Variants in NIT1 observed in about 807,000 individuals in gnomAD.
NIT1 encodes nitrilase 1, also known as deaminated glutathione amidase.
In NIT1, 30 loss-of-function variants were observed where a neutral mutation model predicts 36.8. That is an observed-to-expected ratio of 0.82 (90% confidence interval 0.61 to 1.11). The LOEUF is 1.11. Among genes scored for constraint, NIT1 ranks in the 50% least tolerant of loss-of-function variants. The pLI is 0.00. For missense variants in NIT1, 438 were observed against 410.6 expected, an observed-to-expected ratio of 1.07 and a Z score of -0.58; for synonymous variants, 151 against 155.6, an observed-to-expected ratio of 0.97 and a Z score of 0.22.
rs201109189 is a variant in NIT1, at chr1:161,120,632, G to T, written c.851G>T (p.Arg284Leu). The change falls in exon 7 of 7, where the codon CGC becomes CTC. Residue 284 changes from arginine to leucine, a missense_variant. Coordinates refer to ENST00000368009, the MANE Select transcript of NIT1 (RefSeq NM_005600.3). Reference protein sequence around the residue: ...VVDPWGTVVARCSEGPGLCLA... With the variant: ...VVDPWGTVVALCSEGPGLCLA... ...GACCCCTGGGGAACAGTGGTGGCCC[G>T]CTGCTCTGAGGGGCCAGGCCTCTGC... is the stretch of plus-strand genomic sequence containing the variant. 2 of 1,614,054 alleles carry T rather than the reference G, an allele frequency of 1.2e-6. No individual in the cohort carries two copies. The highest frequency in any genetic ancestry group is 1.7e-6 in the Non-Finnish European group (2 of 1,180,038).
downstream of NIT1, chr1:161,121,532 C>T (rs969297079): frequency 6.5e-6 from 1 of 153,722 alleles, no homozygotes; most frequent in African/African-American, 2.4e-5. Context: ...GAGGGTTTGA[C>T]AAATGGGAAA....
rs755217151 is a variant in NIT1, at chr1:161,119,397, G to C, written c.353+9G>C. On this transcript the variant is annotated intron_variant, in intron 3 of 6. Transcript: ENST00000368009. ...TACACCCAGCTTGCCAGGTATCAGG[G>C]AAATAGCGAGGGAGAGGTAGAATCT... The C allele has an allele frequency of 6.8e-6, 11 of 1,613,500 alleles. No homozygotes were observed. In the Admixed American group the frequency reaches 1.8e-4, roughly 27 times the overall value.
intron 2 of NIT1, 101 bp from the exon 3 acceptor site, chr1:161,119,033 A>T (rs1462486190): frequency 6.7e-7 from 1 of 1,485,470 alleles, no homozygotes; most frequent in East Asian, 2.3e-5. Context: ...AGCATGATCA[A>T]AAGGAAGTCC....
chr1:161,118,720 T>C (rs1655088944), intron 1 of NIT1, 66 bp from the exon 2 acceptor site: 2 of 1,490,300 alleles, frequency 1.3e-6, no homozygotes, highest in African/African-American at 2.8e-5. Flanking sequence ...AAGAGAGAAG[T>C]CAGAGAATCC....
chr1:161,122,140 G>A (rs371313005), downstream of NIT1: 24 of 1,612,092 alleles, frequency 1.5e-5, no homozygotes, highest in Non-Finnish European at 1.9e-5. This position sits in a 1 kb window ranked among gnomAD's most constrained non-coding sequence, Gnocchi z 4.2. Context: ...TGAGAAGAGG[G>A]AATAGGTCAG....
chr1:161,118,302 GA>G, intron 1 of NIT1, 124 bp downstream of exon 1: 1 of 1,571,300 alleles, frequency 6.4e-7, no homozygotes, highest in East Asian at 2.3e-5. Flanking sequence ...CGGGCGGCGG[GA>G]GGGTGGAGGG....
chr1:161,119,000 C>A, intron 2 of NIT1, 119 bp downstream of exon 2: 1 of 1,354,782 alleles, frequency 7.4e-7, no homozygotes, highest in South Asian at 1.2e-5. Context: ...CCCTACTAGC[C>A]CTGGGTCAAC....
chr1:161,118,985 G>T (rs1002635454), intron 2 of NIT1, 104 bp downstream of exon 2: 2 of 1,331,372 alleles, frequency 1.5e-6, no homozygotes, highest in Non-Finnish European at 2.2e-6. Flanking sequence ...CATTTGATTG[G>T]TGAGCCCTAC....
downstream of NIT1, chr1:161,124,195 G>A: frequency 1.2e-6 from 2 of 1,614,196 alleles, no homozygotes; most frequent in Non-Finnish European, 8.5e-7. Flanking sequence ...GTGATGATGC[G>A]CAGCAGCTGC....
intron 3 of NIT1, 50 bp downstream of exon 3, chr1:161,119,438 C>T: frequency 1.9e-6 from 3 of 1,613,500 alleles, no homozygotes; most frequent in Non-Finnish European, 2.5e-6. Flanking sequence ...GGACAGTGTC[C>T]CTGGGTTGCC....
chr1:161,121,974 T>C, downstream of NIT1: 1 of 787,478 alleles, frequency 1.3e-6, no homozygotes, highest in South Asian at 1.9e-5. Flanking sequence ...GGCACATGGG[T>C]GCAGGGAGGG....
intron 6 of NIT1, 120 bp downstream of exon 6, chr1:161,120,352 T>C: frequency 4.1e-6 from 6 of 1,467,928 alleles, no homozygotes; most frequent in Non-Finnish European, 5.6e-6. Context: ...CCCCAGATAT[T>C]TCTCTCATGA....
At chr1:161,122,539 G>T (rs376203819), downstream of NIT1, 9 of 1,610,332 alleles carry the variant, frequency 5.6e-6, no homozygotes, top group Admixed American at 1.5e-4. The surrounding 1 kb of genome is among the most constrained non-coding windows in gnomAD (Gnocchi z 4.2). Context: ...GGAAACAGAA[G>T]ATACAGAGCA....
Position 161,119,508 on chromosome 1 carries a change from G to A in NIT1, c.354-1G>A. On this transcript the variant is annotated splice_acceptor_variant, in intron 3 of 6. Coordinates refer to ENST00000368009, the MANE Select transcript of NIT1 (RefSeq NM_005600.3). LOFTEE classifies it high-confidence loss of function. The stretch of plus-strand genomic sequence containing the variant: ...GAGTTGTCAGTGTCCCTTCCCCCCA[G>A]GGAATGTGGACTCTGGCTGTCCTTG... 6.2e-7 allele frequency: 1 copy of A among 1,614,114 alleles called. No individual in the cohort carries two copies. Among genetic ancestry groups the A allele is most frequent in the Non-Finnish European group, 8.5e-7 (1 of 1,179,964 alleles).
At chr1:161,121,962 C>T, downstream of NIT1, 3 of 711,204 alleles carry the variant, frequency 4.2e-6, no homozygotes, top group Non-Finnish European at 6.8e-6. Context: ...AGGGGAAGCC[C>T]AGGCACATGG....
Position 161,119,564 on chromosome 1 carries a change from G to C in NIT1, c.409G>C (p.Glu137Gln), listed in dbSNP as rs751640717. ...TTTCCATGAGCGTGGCCAAGACTGG[G>C]AGCAGACTCAGAAAATCTACAATTG... ...GGFHERGQDW[E>Q]QTQKIYNCHV... is the part of the protein sequence containing the mutation. The change falls in exon 4 of 7, where the codon GAG (glutamate) becomes CAG (glutamine). Residue 137 changes from glutamate to glutamine, a missense_variant. By Grantham distance (29) the Glu-to-Gln change is conservative. Transcript: ENST00000368009. 1.9e-6 allele frequency: 3 copies of C among 1,614,030 alleles called. No individual in the cohort carries two copies. The highest frequency in any genetic ancestry group is 2.7e-5 in the African/African-American group (2 of 74,902).
chr1:161,118,993 T>C, intron 2 of NIT1, 112 bp downstream of exon 2: 3 of 1,345,864 alleles, frequency 2.2e-6, no homozygotes, highest in Admixed American at 1.7e-5. Context: ...TGGTGAGCCC[T>C]ACTAGCCCTG....
rs201109189 is a variant in NIT1 at position 161,120,632 on chromosome 1, G to A, written c.851G>A (p.Arg284His). 3.4e-4 allele frequency: 542 copies of A among 1,614,052 alleles called. No homozygotes were observed. Among genetic ancestry groups the A allele is most frequent in the Non-Finnish European group, 4.3e-4 (513 of 1,180,036 alleles). ...GACCCCTGGGGAACAGTGGTGGCCC[G>A]CTGCTCTGAGGGGCCAGGCCTCTGC... Reference protein sequence around the residue: ...VVDPWGTVVARCSEGPGLCLA... With the variant: ...VVDPWGTVVAHCSEGPGLCLA... The change falls in exon 7 of 7, where the codon CGC (arginine) becomes CAC (histidine). Residue 284 changes from arginine (R) to histidine (H), a missense_variant. Physicochemically the swap from Arg to His is conservative, Grantham distance 29. Coordinates refer to ENST00000368009, the MANE Select transcript of NIT1 (RefSeq NM_005600.3).
At position 161,120,604 on chromosome 1, in the gene NIT1, G is replaced by C. The variant is rs753105093; in HGVS notation, c.823G>C (p.Val275Leu). The C allele has an allele frequency of 8.7e-6, 14 of 1,614,078 alleles. No individual in the cohort carries two copies. Among genetic ancestry groups the C allele is most frequent in the Middle Eastern group, 1.6e-4 (1 of 6,084 alleles). Residue 275 changes from valine (V) to leucine (L), a missense_variant, in exon 7 of 7, where the codon GTA becomes CTA. By Grantham distance (32) the Val-to-Leu change is conservative. Coordinates refer to ENST00000368009, the MANE Select transcript of NIT1 (RefSeq NM_005600.3). ...KRASYGHSMVVDPWGTVVARC... is the reference protein window; with the variant it reads ...KRASYGHSMVLDPWGTVVARC... ...AGCAAGTTATGGCCACAGCATGGTG[G>C]TAGACCCCTGGGGAACAGTGGTGGC...
Sources: gnomAD v4.1 joint callset for allele counts on GRCh38, gnomAD v4.1.1 for gene constraint, Gnocchi (gnomAD v3.1) non-coding constraint, MANE v1.5 for transcripts, NCBI Gene and HGNC (gene_info 2026-07-23, HGNC 2026-07-21) for gene names.